The following TAF3 variants were observed in gnomAD, a reference collection of about 807,000 sequenced individuals.
TAF3 encodes the protein TATA-box binding protein associated factor 3.
In TAF3, 7 loss-of-function variants were observed where a neutral mutation model predicts 80.6. The ratio of observed to expected loss-of-function variants is 0.09; its 90% CI spans 0.05 to 0.16. The LOEUF (loss-of-function observed/expected upper bound fraction) is 0.16, where lower values mean the gene tolerates loss of function less well. Among genes scored for constraint, TAF3 ranks in the 10% least tolerant of loss-of-function variants. TAF3 has a pLI of 1.00. For missense variants in TAF3, 921 were observed against 1,140.2 expected (o/e 0.81, Z 2.77); for synonymous variants, 444 against 446.1 (o/e 1.00, Z 0.06).
chr10:7,949,301 G>A (rs1445068023), intron 2 of TAF3, among the ~76,000 whole-genome samples: 1 of 152,260 alleles, frequency 6.6e-6, no homozygotes, highest in Non-Finnish European at 1.5e-5. Flanking sequence ...AGAGTGGGCT[G>A]CTTAGCACTG....
At chr10:7,992,271 C>T (rs67672545) in intron 4 of TAF3, among the ~76,000 whole-genome samples, 22,226 of 152,172 alleles carry the variant, frequency 0.15, 2,430 homozygotes, top group African/African-American at 0.31. Flanking sequence ...CCTCAAAGTA[C>T]CCCAGACAAC....
intron 4 of TAF3, among the ~76,000 whole-genome samples, chr10:8,000,640 A>G (rs567175801): frequency 4.6e-5 from 7 of 152,174 alleles, no homozygotes; most frequent in African/African-American, 1.7e-4. Flanking sequence ...TTAGCCAGGC[A>G]TGGTGGCACG....
chr10:7,961,895 G>A (rs1166137818), intron 2 of TAF3, among the ~76,000 whole-genome samples: 1 of 151,896 alleles, frequency 6.6e-6, no homozygotes, highest in African/African-American at 2.4e-5. Flanking sequence ...TGTCGCCCAG[G>A]CTGGAGTGCA....
chr10:8,007,232 T>C (rs1209376907), intron 4 of TAF3, among the ~76,000 whole-genome samples: 1 of 152,186 alleles, frequency 6.6e-6, no homozygotes, highest in Admixed American at 6.5e-5. Flanking sequence ...GATCTCTATG[T>C]GTCAGCATGG....
intron 2 of TAF3, among the ~76,000 whole-genome samples, chr10:7,853,095 A>G (rs1343455119): frequency 1.3e-5 from 2 of 152,156 alleles, no homozygotes; most frequent in East Asian, 3.8e-4. Flanking sequence ...CATTTTTGAG[A>G]GTGAGTTGGC....
intron 2 of TAF3, among the ~76,000 whole-genome samples, chr10:7,876,171 C>G (rs950612529): frequency 1.6e-4 from 24 of 151,938 alleles, no homozygotes; most frequent in Non-Finnish European, 2.1e-4. Context: ...TTATATTTTT[C>G]TTTTCTTTGT....
chr10:7,818,991 G>C, intron 1 of TAF3, 116 bp downstream of exon 1: 1 of 1,099,814 alleles, frequency 9.1e-7, no homozygotes, highest in Non-Finnish European at 1.2e-6. Flanking sequence ...CTCGAGATCT[G>C]CTGTTTCCTC....
chr10:8,002,182 C>A (rs1831950938), intron 4 of TAF3, among the ~76,000 whole-genome samples: 1 of 152,132 alleles, frequency 6.6e-6, no homozygotes, highest in Non-Finnish European at 1.5e-5. Context: ...ACTCCATTAA[C>A]CAACAACTGA....
At chr10:7,910,781 G>A (rs1434897641) in intron 2 of TAF3, among the ~76,000 whole-genome samples, 2 of 152,088 alleles carry the variant, frequency 1.3e-5, no homozygotes, top group East Asian at 3.8e-4. Context: ...GGAATAATTC[G>A]GTGAGCTCTA....
At chr10:7,910,292 C>T (rs1002239471) in intron 2 of TAF3, among the ~76,000 whole-genome samples, 1 of 152,136 alleles carries the variant, frequency 6.6e-6, no homozygotes, top group East Asian at 1.9e-4. Context: ...TATAGTGTGA[C>T]GTACTGCAAA....
At chr10:7,991,812 T>C (rs149286394) in intron 4 of TAF3, among the ~76,000 whole-genome samples, 163 of 152,330 alleles carry the variant, frequency 1.1e-3, no homozygotes, top group Non-Finnish European at 2.0e-3. Flanking sequence ...TAATATATTT[T>C]GAAGTGGTAA....
At chr10:7,959,001 G>A (rs1423920574) in intron 2 of TAF3, among the ~76,000 whole-genome samples, 1 of 152,022 alleles carries the variant, frequency 6.6e-6, no homozygotes. Context: ...TTAGCCGGGC[G>A]TGGTGACGGG....
At chr10:7,905,740 G>A (rs1194101814) in intron 2 of TAF3, among the ~76,000 whole-genome samples, 6 of 151,976 alleles carry the variant, frequency 3.9e-5, no homozygotes, top group African/African-American at 1.2e-4. Context: ...AAAATTAGTC[G>A]GGCGTGGTGG....
At chr10:7,905,637 T>G (rs1837601219) in intron 2 of TAF3, among the ~76,000 whole-genome samples, 1 of 152,086 alleles carries the variant, frequency 6.6e-6, no homozygotes, top group African/African-American at 2.4e-5. Context: ...ATCCCAGCAC[T>G]GTGGAAAGCT....
At chr10:7,934,829 C>G (rs1837901011) in intron 2 of TAF3, among the ~76,000 whole-genome samples, 1 of 152,184 alleles carries the variant, frequency 6.6e-6, no homozygotes, top group Non-Finnish European at 1.5e-5. Context: ...AGTTTACTAA[C>G]TAATCTATTC....
At chr10:7,892,229 A>G (rs1442795522) in intron 2 of TAF3, among the ~76,000 whole-genome samples, 2 of 152,212 alleles carry the variant, frequency 1.3e-5, no homozygotes, top group South Asian at 2.1e-4. Flanking sequence ...GGACTTGGCT[A>G]GGAAATAGAT....
At chr10:7,873,615 TC>T (rs1837286697) in intron 2 of TAF3, among the ~76,000 whole-genome samples, 1 of 54,474 alleles carries the variant, frequency 1.8e-5, no homozygotes, top group South Asian at 5.4e-4. Context: ...ACATCCGAGT[TC>T]TCCCCCCCCC....
intron 2 of TAF3, among the ~76,000 whole-genome samples, chr10:7,918,248 G>A (rs1158708474): frequency 2.6e-5 from 4 of 152,188 alleles, no homozygotes; most frequent in Non-Finnish European, 5.9e-5. Context: ...AGAGAGACGA[G>A]AATGTATGAA....
intron 4 of TAF3, among the ~76,000 whole-genome samples, chr10:7,990,156 A>C (rs530768805): frequency 5.2e-4 from 79 of 152,308 alleles, no homozygotes; most frequent in African/African-American, 1.8e-3. Context: ...TTATAACCCA[A>C]CTGAGAAATG....
Sources: gnomAD v4.1 joint callset for allele counts (sites outside exome capture counted in the v4.1 genomes callset) on GRCh38, gnomAD v4.1.1 for gene constraint, MANE v1.5 for transcripts, NCBI Gene and HGNC (gene_info 2026-07-23, HGNC 2026-07-21) for gene names.